Variants in PTPRH observed in about 807,000 individuals in gnomAD.
The protein encoded by PTPRH is receptor-type tyrosine-protein phosphatase H.
Under a neutral mutation model 130.2 loss-of-function variants are expected in PTPRH, and 113 were observed. The observed-to-expected ratio is 0.87, with a 90% CI of 0.75 to 1.01. The LOEUF is 1.01. PTPRH is among the 50% of genes least tolerant of loss of function. The pLI is 0.00. For missense variants in PTPRH, 1,430 were observed against 1,425.0 expected (o/e 1.00, Z -0.06); for synonymous variants, 556 against 577.9 (o/e 0.96, Z 0.54).
intron 12 of PTPRH, among the ~76,000 whole-genome samples, chr19:55,190,887 G>T (rs1487150349): frequency 6.6e-6 from 1 of 151,896 alleles, no homozygotes; most frequent in African/African-American, 2.4e-5. Context: ...TGTCACCCAG[G>T]CTGCAGTGCA....
intron 1 of PTPRH, among the ~76,000 whole-genome samples, chr19:55,207,533 C>G (rs191291888): frequency 1.1e-3 from 166 of 152,238 alleles, no homozygotes; most frequent in Non-Finnish European, 1.5e-3. Context: ...GAGAAAAAAA[C>G]CAAGGTTGGG....
At position 55,197,128 on chromosome 19, in the gene PTPRH, C is replaced by A; in HGVS notation, c.1979G>T (p.Cys660Phe). 2 of 1,614,078 alleles carry A rather than the reference C, an allele frequency of 1.2e-6. No homozygotes were observed. The highest frequency in any genetic ancestry group is 1.7e-6 in the Non-Finnish European group (2 of 1,179,910). ...AAGGGGATTCTCACATGTGGACGCA[C>A]AGAGGCTCTGCGTGGAACTGGCTAC... ...NDVASSTQSL[C>F]ASTYPDTVTI... The change falls in exon 9 of 20, where the codon TGT (cysteine) becomes TTT (phenylalanine). Residue 660 changes from cysteine to phenylalanine, a missense_variant. Cys to Phe is a radical substitution (Grantham distance 205, BLOSUM62 -2). Transcript: ENST00000376350.
Position 55,186,455 on chromosome 19 carries a change from C to T in PTPRH, c.2643+9G>A, listed in dbSNP as rs369001173. 7.5e-5 allele frequency: 121 copies of T among 1,612,804 alleles called. No individual in the cohort carries two copies. The highest frequency in any genetic ancestry group is 6.5e-4 in the Admixed American group (39 of 59,790). Reference sequence around the variant, plus strand: ...CTGGGCACCCTTTCAATCCCAACCACGACCTTACGGGCATGAAGCTGGCAT... The same window carrying T: ...CTGGGCACCCTTTCAATCCCAACCATGACCTTACGGGCATGAAGCTGGCAT... On this transcript the variant is annotated intron_variant, in intron 15 of 19. Coordinates refer to ENST00000376350, the MANE Select transcript of PTPRH (RefSeq NM_002842.5).
Position 55,198,825 on chromosome 19 carries a change from T to C in PTPRH, c.1508A>G (p.Gln503Arg). 6.2e-7 allele frequency: 1 copy of C among 1,607,028 alleles called. No homozygotes were observed. Among genetic ancestry groups the C allele is most frequent in the Non-Finnish European group, 8.5e-7 (1 of 1,175,924 alleles). ...TGAGACCCAGTAGCTGTAGGAAGAC[T>C]GGCCTGGGCCCTGGGGAGCTGTCCA... ...LRWTAPQGPG[Q>R]SSYSYWVSWV... Residue 503 changes from glutamine (Q) to arginine (R), a missense_variant, in exon 8 of 20, where the codon CAG becomes CGG. Physicochemically the swap from Gln to Arg is conservative, Grantham distance 43. Coordinates refer to ENST00000376350, the MANE Select transcript of PTPRH (RefSeq NM_002842.5).
chr19:55,209,350 C>T lies in PTPRH; in HGVS notation c.51+33G>A, dbSNP rs768081555. ...CTCCCTCAGACCTGGGAGTCCCTGC[C>T]TTGGGAGCCCGCTCTGGGCGGGGAG... On this transcript the variant is annotated intron_variant, in intron 1 of 19. Transcript: ENST00000376350. This position sits in a 1 kb window ranked among gnomAD's most constrained non-coding sequence, Gnocchi z 4.1. 11 of 1,555,738 alleles carry T rather than the reference C, an allele frequency of 7.1e-6. No homozygotes were observed. The South Asian group carries it at 1.3e-4, about 18-fold the overall frequency.
At position 55,202,216 on chromosome 19, in the gene PTPRH, C is replaced by T. The variant is rs772913723; in HGVS notation, c.993G>A (p.Gly331=). 3.5e-5 allele frequency: 57 copies of T among 1,614,198 alleles called. No individual in the cohort carries two copies. The highest frequency in any genetic ancestry group is 4.4e-5 in the Non-Finnish European group (52 of 1,180,040). Residue 331 remains glycine (G), a synonymous_variant, in exon 6 of 20, where the codon GGG becomes GGA. Coordinates refer to ENST00000376350, the MANE Select transcript of PTPRH (RefSeq NM_002842.5). The stretch of plus-strand genomic sequence containing the variant: ...TGCCACCATCTCCAGTGTACTCAAC[C>T]CCGTAGGTGGAGTTCTGTGGGTCTG... ...DGPDPQNSTY[G]VEYTGDGGRA...
rs764837132 is a variant in PTPRH, at chr19:55,187,575, G to C, written c.2504C>G (p.Ser835Cys). 8 of 1,613,280 alleles carry C rather than the reference G, an allele frequency of 5.0e-6. No individual in the cohort carries two copies. Among genetic ancestry groups the C allele is most frequent in the South Asian group, 2.2e-5 (2 of 91,048 alleles). Residue 835 changes from serine (S) to cysteine (C), a missense_variant, in exon 14 of 20, where the codon TCT (serine) becomes TGT (cysteine). Transcript: ENST00000376350. ...CTCTGAAGCCGAAGCCACCATCTGA[G>C]ACTGGCTGTGGCCCACCAGGGAGAG... is the stretch of plus-strand genomic sequence containing the variant. Reference protein sequence around the residue: ...QQLSLVGHSQSQMVASASENN... With the variant: ...QQLSLVGHSQCQMVASASENN...
chr19:55,187,459 G>C (rs2086393106), intron 14 of PTPRH, 54 bp downstream of exon 14: 1 of 1,449,904 alleles, frequency 6.9e-7, no homozygotes, highest in South Asian at 1.2e-5. Flanking sequence ...GGACTGGGGT[G>C]GGGTGCCGAC....
At chr19:55,199,311 A>G (rs1035055333) in intron 7 of PTPRH, among the ~76,000 whole-genome samples, 2 of 151,786 alleles carry the variant, frequency 1.3e-5, no homozygotes, top group Non-Finnish European at 2.9e-5. Context: ...TCTCAAAAGA[A>G]AGAAAGAGAG....
At position 55,187,619 on chromosome 19, in the gene PTPRH, G is replaced by A; in HGVS notation, c.2476-16C>T. The A allele has an allele frequency of 1.3e-6, 2 of 1,589,854 alleles. No homozygotes were observed. The highest frequency in any genetic ancestry group is 1.7e-6 in the Non-Finnish European group (2 of 1,158,194). The stretch of plus-strand genomic sequence containing the variant: ...GGGAGAGTTGCTGGGGATGCAGGGA[G>A]AGGGGGTACCTGGTGTTGGATTTTC... On this transcript the variant is annotated splice_polypyrimidine_tract_variant and intron_variant, in intron 13 of 19. Coordinates refer to ENST00000376350, the MANE Select transcript of PTPRH (RefSeq NM_002842.5).
Position 55,200,274 on chromosome 19 carries a change from C to T in PTPRH, c.1382G>A (p.Gly461Glu). ...YTFSVWAEKN[G>E]ARGSRQNVSI... ...GACATTCTGCCTGGAGCCACGTGCT[C>T]CATTTTTTTCTGCCCATACAGAGAA... Residue 461 changes from glycine (G) to glutamate (E), a missense_variant, in exon 7 of 20, where the codon GGA (glycine) becomes GAA (glutamate). Coordinates refer to ENST00000376350, the MANE Select transcript of PTPRH (RefSeq NM_002842.5). 6.2e-7 allele frequency: 1 copy of T among 1,614,194 alleles called. No individual in the cohort carries two copies. The highest frequency in any genetic ancestry group is 8.5e-7 in the Non-Finnish European group (1 of 1,180,042).
intron 18 of PTPRH, among the ~76,000 whole-genome samples, chr19:55,182,988 G>T (rs879681596): frequency 1.3e-5 from 2 of 151,482 alleles, no homozygotes; most frequent in Non-Finnish European, 2.9e-5. Context: ...TAGAGACGGG[G>T]TCTTGCCATG....
At chr19:55,181,953 G>T (rs760873465) in intron 19 of PTPRH, 50 bp from the exon 20 acceptor site, 1 of 1,613,740 alleles carries the variant, frequency 6.2e-7, no homozygotes, top group African/African-American at 1.3e-5. Context: ...TCTGAGCTGC[G>T]TGGAGCCCCA....
chr19:55,183,670 G>A (rs930756737), intron 18 of PTPRH, among the ~76,000 whole-genome samples: 30 of 152,108 alleles, frequency 2.0e-4, no homozygotes, highest in South Asian at 2.1e-4. Flanking sequence ...GTTGCAGTGA[G>A]CGGAGATCGC....
chr19:55,191,644 G>C lies in PTPRH; in HGVS notation c.2336+19C>G. 4 of 1,613,436 alleles carry C rather than the reference G, an allele frequency of 2.5e-6. No individual in the cohort carries two copies. Among genetic ancestry groups the C allele is most frequent in the Non-Finnish European group, 3.4e-6 (4 of 1,179,356 alleles). On this transcript the variant is annotated intron_variant, in intron 11 of 19. Transcript: ENST00000376350. Reference sequence around the variant, plus strand: ...CCAGCCCCCACCCTCCAGGCGGTCAGCCCTGTGCTGAGTCTCACCTCCTCT... The same window carrying C: ...CCAGCCCCCACCCTCCAGGCGGTCACCCCTGTGCTGAGTCTCACCTCCTCT...
rs377404690 is a variant in PTPRH at position 55,209,361 on chromosome 19, G to A, written c.51+22C>T. On this transcript the variant is annotated intron_variant, in intron 1 of 19. Transcript: ENST00000376350. The surrounding 1 kb of genome is among the most constrained non-coding windows in gnomAD (Gnocchi z 4.1). ...CTGGGAGTCCCTGCCTTGGGAGCCC[G>A]CTCTGGGCGGGGAGCACTTACCAGC... 162 of 1,558,374 alleles carry A rather than the reference G, an allele frequency of 1.0e-4. 1 individual carries two copies. In the South Asian group the frequency reaches 1.2e-3, roughly 11 times the overall value.
At chr19:55,204,632 T>G (rs1366096046) in intron 4 of PTPRH, among the ~76,000 whole-genome samples, 4 of 151,750 alleles carry the variant, frequency 2.6e-5, no homozygotes, top group Non-Finnish European at 4.4e-5. Flanking sequence ...GCCAATGTAT[T>G]TCCATCAGCT....
intron 14 of PTPRH, 149 bp downstream of exon 14, chr19:55,187,364 A>C: frequency 5.2e-6 from 2 of 387,370 alleles, no homozygotes; most frequent in Non-Finnish European, 8.4e-6. Context: ...AAAAAAAGAA[A>C]AAAAGAAAAA....
chr19:55,201,015 C>G (rs1325425095), intron 6 of PTPRH, among the ~76,000 whole-genome samples: 2 of 151,740 alleles, frequency 1.3e-5, no homozygotes, highest in Non-Finnish European at 2.9e-5. Flanking sequence ...GAGGTAGGGC[C>G]CTTGCAAGAT....
Sources: gnomAD v4.1 joint callset for allele counts (sites outside exome capture counted in the v4.1 genomes callset) on GRCh38, gnomAD v4.1.1 for gene constraint, Gnocchi (gnomAD v3.1) non-coding constraint, MANE v1.5 for transcripts, NCBI Gene and HGNC (gene_info 2026-07-23, HGNC 2026-07-21) for gene names.